Variants in USO1 observed in about 807,000 individuals in gnomAD.
The protein encoded by USO1 is general vesicular transport factor p115.
A neutral mutation model predicts 124.5 loss-of-function variants in USO1; 57 were observed. That is an observed-to-expected ratio of 0.46 (90% CI 0.37 to 0.57). USO1 has a LOEUF of 0.57. USO1 is among the 20% of genes least tolerant of loss of function. The pLI is 0.00. For synonymous variants in USO1, 369 were observed against 362.8 expected (o/e 1.02, Z -0.19); for missense variants, 900 against 1,040.6 (o/e 0.86, Z 1.86).
intron 1 of USO1, among the ~76,000 whole-genome samples, chr4:75,736,013 T>C (rs145111585): frequency 9.9e-4 from 150 of 152,246 alleles, no homozygotes; most frequent in African/African-American, 3.4e-3. Context: ...AAATGGATTG[T>C]TTGTCATTTT....
chr4:75,804,254 C>A lies in USO1; in HGVS notation c.2107C>A (p.Leu703Ile). The A allele has an allele frequency of 6.2e-7, 1 of 1,611,328 alleles. No individual in the cohort carries two copies. The highest frequency in any genetic ancestry group is 1.1e-5 in the South Asian group (1 of 90,478). ...QIQQHKDQYN[L>I]LKIQLGKDNQ... The stretch of plus-strand genomic sequence containing the variant: ...CCAGCAGCACAAAGACCAGTATAAT[C>A]TTCTTAAAATACAGCTAGGTAAGCA... The change falls in exon 18 of 24, where the codon CTT becomes ATT. Residue 703 changes from leucine to isoleucine, a missense_variant. Around this residue, in one of 2 missense-constraint regions of USO1, gnomAD observed 362 missense variants for 359.0 expected, o/e 1.01. Coordinates refer to ENST00000514213, the MANE Select transcript of USO1 (RefSeq NM_003715.4).
rs80092017 is a variant in USO1 at position 75,782,382 on chromosome 4, G to A, written c.677-298G>A. Among the ~76,000 whole-genome samples, 809 of 152,308 alleles carry A rather than the reference G, an allele frequency of 5.3e-3. 3 individuals carry two copies. Among genetic ancestry groups the A allele is most frequent in the Non-Finnish European group, 8.7e-3 (590 of 68,028 alleles). Reference sequence around the variant, plus strand: ...GCATGTAGCTGGTGACGCTAACCTAGTCCTGTAGTCTTGGTAATCATTCCT... The same window carrying A: ...GCATGTAGCTGGTGACGCTAACCTAATCCTGTAGTCTTGGTAATCATTCCT... On this transcript the variant is annotated intron_variant, in intron 8 of 23. Transcript: ENST00000514213.
At position 75,800,389 on chromosome 4, in the gene USO1, G is replaced by A. The variant is rs745590438; in HGVS notation, c.1602G>A (p.Glu534=). The A allele has an allele frequency of 1.2e-5, 19 of 1,599,674 alleles. No homozygotes were observed. The highest frequency in any genetic ancestry group is 3.4e-5 in the South Asian group (3 of 88,342). ...GQIAENLGEE[E]QLVQGLCALL... ...TTGCAGAAAATCTTGGAGAAGAAGAGCAGTTGGTCCAAGGCTTATGTGCCC... is the reference window on the plus strand; with the variant it reads ...TTGCAGAAAATCTTGGAGAAGAAGAACAGTTGGTCCAAGGCTTATGTGCCC... Residue 534 remains glutamate, a synonymous_variant, in exon 15 of 24, where the codon GAG becomes GAA. Coordinates refer to ENST00000514213, the MANE Select transcript of USO1 (RefSeq NM_003715.4).
chr4:75,724,850 C>A lies in USO1; in HGVS notation c.31C>A (p.Gln11Lys). Reference protein sequence around the residue: MNFLRGVMGGQSAGPQHTEAE... With the variant: MNFLRGVMGGKSAGPQHTEAE... The stretch of plus-strand genomic sequence containing the variant: ...TTTCCTCCGCGGGGTAATGGGGGGT[C>A]AGAGTGCCGGACCCCAGCACACAGA... The change falls in exon 1 of 24, where the codon CAG (glutamine) becomes AAG (lysine). Residue 11 changes from glutamine (Q) to lysine (K), a missense_variant. Physicochemically the swap from Gln to Lys is moderately conservative, Grantham distance 53 (BLOSUM62 1). Around this residue, in one of 2 missense-constraint regions of USO1, gnomAD observed 538 missense variants for 681.6 expected, o/e 0.79. Transcript: ENST00000514213. 1 of 1,613,700 alleles carries A rather than the reference C, an allele frequency of 6.2e-7. No homozygotes were observed. Among genetic ancestry groups the A allele is most frequent in the Non-Finnish European group, 8.5e-7 (1 of 1,179,760 alleles).
At chr4:75,751,216 T>G (rs1721290323) in intron 1 of USO1, among the ~76,000 whole-genome samples, 1 of 150,872 alleles carries the variant, frequency 6.6e-6, no homozygotes, top group South Asian at 2.1e-4. Context: ...TTATTTTTAT[T>G]TATTTATTTA....
chr4:75,795,184 GTA>G (rs1166584813), intron 13 of USO1, among the ~76,000 whole-genome samples: 11 of 152,136 alleles, frequency 7.2e-5, no homozygotes, highest in African/African-American at 2.6e-4. Flanking sequence ...ACTTTTTATT[GTA>G]TAAAAGAAGT....
intron 20 of USO1, among the ~76,000 whole-genome samples, chr4:75,808,653 C>G (rs1262050493): frequency 6.6e-6 from 1 of 151,862 alleles, no homozygotes; most frequent in African/African-American, 2.4e-5. Context: ...TCTTCTCTTA[C>G]TGTTCTTGTT....
chr4:75,805,401 C>T, intron 19 of USO1, 98 bp downstream of exon 19: 1 of 1,421,422 alleles, frequency 7.0e-7, no homozygotes, highest in Non-Finnish European at 9.2e-7. Context: ...GCCAGAATAT[C>T]ATATGTTAAG....
chr4:75,766,863 T>TG (rs1721781162), intron 4 of USO1, among the ~76,000 whole-genome samples: 1 of 152,208 alleles, frequency 6.6e-6, no homozygotes, highest in African/African-American at 2.4e-5. Flanking sequence ...GTGAGCTTCT[T>TG]CCATTATACT....
chr4:75,781,107 A>G (rs1354427905), intron 8 of USO1, among the ~76,000 whole-genome samples: 1 of 152,156 alleles, frequency 6.6e-6, no homozygotes, highest in Non-Finnish European at 1.5e-5. Flanking sequence ...ATTCATGGGA[A>G]GTCAAAATAC....
chr4:75,776,922 T>C (rs1387664132), intron 8 of USO1, among the ~76,000 whole-genome samples: 2 of 152,306 alleles, frequency 1.3e-5, no homozygotes, highest in Non-Finnish European at 2.9e-5. Context: ...AGGTGTATAT[T>C]TATGTACTAA....
At chr4:75,733,243 A>G (rs1316635459) in intron 1 of USO1, among the ~76,000 whole-genome samples, 1 of 152,100 alleles carries the variant, frequency 6.6e-6, no homozygotes, top group East Asian at 1.9e-4. Flanking sequence ...TGGGCAACAC[A>G]GTGAGACTCT....
chr4:75,728,084 T>C (rs990050033), intron 1 of USO1, among the ~76,000 whole-genome samples: 39 of 152,228 alleles, frequency 2.6e-4, no homozygotes, highest in African/African-American at 7.0e-4. Flanking sequence ...TCTGTAATTA[T>C]AGCAACTTAC....
chr4:75,785,788 G>A (rs1250122696), intron 9 of USO1, among the ~76,000 whole-genome samples: 1 of 152,074 alleles, frequency 6.6e-6, no homozygotes, highest in Non-Finnish European at 1.5e-5. Flanking sequence ...AAGTGGAGAT[G>A]CATACAGAAT....
chr4:75,797,211 G>C (rs1722710925), intron 13 of USO1, among the ~76,000 whole-genome samples: 1 of 151,764 alleles, frequency 6.6e-6, no homozygotes, highest in South Asian at 2.1e-4. Context: ...ATACTTCAAT[G>C]TTTATCTTAT....
At chr4:75,734,226 A>G (rs1027187624) in intron 1 of USO1, among the ~76,000 whole-genome samples, 4 of 151,928 alleles carry the variant, frequency 2.6e-5, no homozygotes, top group Non-Finnish European at 5.9e-5. Flanking sequence ...TTACAGGCGT[A>G]AGCCACCATG....
At chr4:75,743,284 C>T (rs1046014157) in intron 1 of USO1, among the ~76,000 whole-genome samples, 1 of 152,122 alleles carries the variant, frequency 6.6e-6, no homozygotes, top group African/African-American at 2.4e-5. Flanking sequence ...CATGCCTGGC[C>T]GAATAAGTGT....
At position 75,724,797 on chromosome 4, in the gene USO1, A is replaced by G; in HGVS notation, c.-23A>G. 6.2e-7 allele frequency: 1 copy of G among 1,613,594 alleles called. No individual in the cohort carries two copies. On this transcript the variant is annotated 5_prime_UTR_variant, in exon 1 of 24. Coordinates refer to ENST00000514213, the MANE Select transcript of USO1 (RefSeq NM_003715.4). ...TTCTTTTTTTTCCGGAGGGGCCGGT[A>G]AACCTGGTGGCTGAACGGCAAGATG...
intron 12 of USO1, among the ~76,000 whole-genome samples, chr4:75,791,999 CAAATCTG>C (rs1430264130): frequency 1.3e-5 from 2 of 150,656 alleles, no homozygotes; most frequent in East Asian, 3.9e-4. Context: ...TTGAGCATCC[CAAATCTG>C]AAATCTGAAA....
Sources: gnomAD v4.1 joint callset for allele counts (sites outside exome capture counted in the v4.1 genomes callset) on GRCh38, gnomAD v4.1.1 for gene constraint, gnomAD v4.1.1 regional missense constraint, MANE v1.5 for transcripts, NCBI Gene and HGNC (gene_info 2026-07-23, HGNC 2026-07-21) for gene names.